WDFY4: variants seen among roughly 807,000 people sequenced by gnomAD.
The protein encoded by WDFY4 is WD repeat- and FYVE domain-containing protein 4.
A neutral mutation model predicts 351.9 loss-of-function variants in WDFY4; 169 were observed. The ratio of observed to expected loss-of-function variants is 0.48; its 90% CI spans 0.42 to 0.55. The LOEUF (loss-of-function observed/expected upper bound fraction) is 0.55. Ranked by LOEUF, WDFY4 falls within the 20% of genes least tolerant of loss-of-function variation. WDFY4 has a pLI of 0.00. For missense variants in WDFY4, 3,803 were observed against 3,935.6 expected, an observed-to-expected ratio of 0.97 and a Z score of 0.90; for synonymous variants, 1,622 against 1,574.6, an observed-to-expected ratio of 1.03 and a Z score of -0.71.
intron 19 of WDFY4, among the ~76,000 whole-genome samples, chr10:48,786,089 T>G (rs1042167110): frequency 6.6e-6 from 1 of 152,200 alleles, no homozygotes; most frequent in African/African-American, 2.4e-5. Flanking sequence ...TATTTCATTT[T>G]CTTGTGCATA....
chr10:48,742,556 G>T (rs1416509344), intron 11 of WDFY4, among the ~76,000 whole-genome samples: 1 of 152,186 alleles, frequency 6.6e-6, no homozygotes, highest in African/African-American at 2.4e-5. Context: ...GCCAGATATG[G>T]TTTCCATCTC....
chr10:48,782,141 C>T (rs1022191892), intron 19 of WDFY4, among the ~76,000 whole-genome samples: 24 of 152,282 alleles, frequency 1.6e-4, no homozygotes, highest in Middle Eastern at 3.4e-3. Context: ...CAGGGCTGGA[C>T]TTATCATTAG....
intron 43 of WDFY4, among the ~76,000 whole-genome samples, chr10:48,882,545 G>A (rs1398539764): frequency 6.6e-6 from 1 of 152,082 alleles, no homozygotes; most frequent in African/African-American, 2.4e-5. Context: ...AATGAAAAGA[G>A]GTTTAGTTGG....
At chr10:48,930,030 C>T (rs1049675448) in intron 47 of WDFY4, among the ~76,000 whole-genome samples, 4 of 152,106 alleles carry the variant, frequency 2.6e-5, no homozygotes, top group African/African-American at 9.7e-5. Flanking sequence ...TCTCCTCCCC[C>T]ACCTACCCCA....
rs972545048 is a variant in WDFY4, at chr10:48,805,287, C to T, written c.4512C>T (p.Ala1504=). 9.7e-6 allele frequency: 15 copies of T among 1,545,872 alleles called. No homozygotes were observed. Among genetic ancestry groups the T allele is most frequent in the Non-Finnish European group, 1.1e-5 (13 of 1,146,956 alleles). ...PREGPRNAEA[A]HQAQLIPKLI... is the part of the protein sequence containing the mutation. ...AAGGACCCAGGAATGCTGAAGCTGC[C>T]CACCAGGCACAGCTTATACCCAAGC... The change falls in exon 26 of 62, where the codon GCC becomes GCT. Residue 1504 remains alanine, a synonymous_variant. Transcript: ENST00000325239.
At chr10:48,972,272 A>G (rs1842370418) in intron 57 of WDFY4, among the ~76,000 whole-genome samples, 1 of 152,214 alleles carries the variant, frequency 6.6e-6, no homozygotes, top group African/African-American at 2.4e-5. Context: ...GAAGAGCCTC[A>G]CAGGCGGTTC....
At chr10:48,757,867 G>C (rs1485295798) in intron 12 of WDFY4, among the ~76,000 whole-genome samples, 1 of 151,910 alleles carries the variant, frequency 6.6e-6, no homozygotes, top group Non-Finnish European at 1.5e-5. Context: ...ATTATAGAAA[G>C]CTTACCTCTA....
rs151280863 is a variant in WDFY4 at position 48,734,173 on chromosome 10, T to G, written c.1687+138T>G. The G allele has an allele frequency of 7.7e-3, 5,566 of 719,354 alleles. 56 individuals carry two copies. The highest frequency in any genetic ancestry group is 0.018 in the South Asian group (972 of 53,170). 44.6% of individuals were successfully genotyped at this position (719,354 alleles called of 1,614,324 possible). A position where few individuals can be genotyped will look rare whatever the true frequency, so the allele number is the denominator to read the frequency against. Reference sequence around the variant, plus strand: ...TTAGCTGTGGCTAATGATCCTCTCTTGGCCGATGTTCAGTGATCATCAGTA... The same window carrying G: ...TTAGCTGTGGCTAATGATCCTCTCTGGGCCGATGTTCAGTGATCATCAGTA... On this transcript the variant is annotated intron_variant, in intron 10 of 61. Coordinates refer to ENST00000325239, the MANE Select transcript of WDFY4 (RefSeq NM_001394531.1).
At chr10:48,883,096 T>A (rs1043741829) in intron 43 of WDFY4, among the ~76,000 whole-genome samples, 3 of 152,158 alleles carry the variant, frequency 2.0e-5, no homozygotes, top group African/African-American at 7.2e-5. Context: ...GGGCTTGGAG[T>A]TGTGGCTCCT....
chr10:48,893,069 T>C (rs941537344), intron 44 of WDFY4, among the ~76,000 whole-genome samples: 2 of 152,248 alleles, frequency 1.3e-5, no homozygotes, highest in African/African-American at 4.8e-5. Flanking sequence ...ATGCTTCCTC[T>C]GACTGCTCTA....
intron 17 of WDFY4, among the ~76,000 whole-genome samples, chr10:48,777,985 A>G (rs2066089413): frequency 6.6e-6 from 1 of 152,224 alleles, no homozygotes; most frequent in African/African-American, 2.4e-5. Flanking sequence ...GAGAAATATG[A>G]GTTGGGCTGA....
At chr10:48,971,110 G>T (rs2131838878) in intron 57 of WDFY4, among the ~76,000 whole-genome samples, 1 of 152,274 alleles carries the variant, frequency 6.6e-6, no homozygotes, top group Middle Eastern at 3.4e-3. Context: ...TCCGGAACTT[G>T]CTCTAGAATA....
chr10:48,832,943 A>T (rs1042451896), intron 39 of WDFY4, among the ~76,000 whole-genome samples: 2 of 152,184 alleles, frequency 1.3e-5, no homozygotes, highest in African/African-American at 4.8e-5. Flanking sequence ...CTAGCCCACC[A>T]CTCAGCAGCA....
At chr10:48,913,950 A>G (rs1838256450) in intron 47 of WDFY4, 1 of 1,614,070 alleles carries the variant, frequency 6.2e-7, no homozygotes, top group Middle Eastern at 1.6e-4. Context: ...GAACTTGGAG[A>G]TGGAGTCAGG....
Position 48,786,621 on chromosome 10 carries a change from T to C in WDFY4, c.3577-18T>C, listed in dbSNP as rs375568878. The stretch of plus-strand genomic sequence containing the variant: ...TGAGATCAAACACTACTCACTCTTG[T>C]CCTTTTTATTTTAACAGATGTTATA... On this transcript the variant is annotated intron_variant, in intron 19 of 61. Transcript: ENST00000325239. 1.2e-5 allele frequency: 18 copies of C among 1,541,152 alleles called. No homozygotes were observed. In the African/African-American group the frequency reaches 2.1e-4, roughly 18 times the overall value.
chr10:48,742,005 G>A (rs1353884568), intron 11 of WDFY4, among the ~76,000 whole-genome samples: 2 of 151,996 alleles, frequency 1.3e-5, no homozygotes, highest in East Asian at 3.8e-4. Flanking sequence ...TTCACATTTC[G>A]ATGAAGCACA....
chr10:48,703,323 C>T lies in WDFY4; in HGVS notation c.-17-6393C>T, dbSNP rs1043924882. On this transcript the variant is annotated intron_variant, in intron 1 of 61. Transcript: ENST00000325239. ...AACAGATCATTTACGGCCATGCATG[C>T]GAAGCCACTATTCTATTTTGTATCA... Among the ~76,000 whole-genome samples, 82 of 152,272 alleles carry T rather than the reference C, an allele frequency of 5.4e-4. 1 individual carries two copies. Among genetic ancestry groups the T allele is most frequent in the African/African-American group, 1.6e-3 (68 of 41,560 alleles).
chr10:48,816,127 C>T (rs965381125), intron 31 of WDFY4, among the ~76,000 whole-genome samples: 7 of 152,034 alleles, frequency 4.6e-5, no homozygotes, highest in African/African-American at 1.7e-4. Context: ...AAAATAATTT[C>T]CCATTCATTT....
intron 20 of WDFY4, among the ~76,000 whole-genome samples, chr10:48,787,907 TTCTTC>T (rs1565198687): frequency 0.011 from 407 of 37,734 alleles, 9 homozygotes; most frequent in South Asian, 0.021. Context: ...CTTCTTCTTC[TTCTTC>T]TTCTTCTTCT....
Sources: allele counts gnomAD v4.1 joint callset (sites outside exome capture counted in the v4.1 genomes callset), GRCh38; gene constraint gnomAD v4.1.1; transcripts MANE v1.5; gene names NCBI Gene and HGNC (gene_info 2026-07-23, HGNC 2026-07-21).